ENG: variants seen among roughly 807,000 people sequenced by gnomAD.
The protein encoded by ENG is CD105 antigen.
A neutral mutation model predicts 71.0 loss-of-function variants in ENG; 17 were observed. That is an observed-to-expected ratio of 0.24 (90% CI 0.16 to 0.36). The LOEUF is 0.36. ENG is among the 10% of genes least tolerant of loss of function. The probability of loss-of-function intolerance (pLI) is 1.00; values close to 1 mark genes in which losing one functional copy is unlikely to be tolerated. For synonymous variants in ENG, 360 were observed against 366.9 expected (o/e 0.98, Z 0.21); for missense variants, 749 against 868.3 (o/e 0.86, Z 1.73).
intron 2 of ENG, among the ~76,000 whole-genome samples, chr9:127,830,545 G>T: frequency 6.6e-6 from 1 of 152,004 alleles, no homozygotes; most frequent in South Asian, 2.1e-4. Context: ...TACTTGGGAG[G>T]CTGAGGCAGG....
chr9:127,836,549 C>T lies in ENG; in HGVS notation c.219+6545G>A, dbSNP rs1830907933. Among the ~76,000 whole-genome samples, 1 of 152,220 alleles carries T rather than the reference C, an allele frequency of 6.6e-6. No individual in the cohort carries two copies. ...TTGGAGCCAGCCGTCCCTCTGTCCA[C>T]CCCAGAAAACTCAGATGGTCCTACA... On this transcript the variant is annotated intron_variant, in intron 2 of 14. Transcript: ENST00000373203. The surrounding 1 kb of genome is among the most constrained non-coding windows in gnomAD (Gnocchi z 4.0).
In ENG at chr9:127,819,624, G is replaced by A. The variant is rs1434169817; in HGVS notation, c.1309C>T (p.Arg437Trp). 4.3e-6 allele frequency: 7 copies of A among 1,612,988 alleles called. No individual in the cohort carries two copies. Among genetic ancestry groups the A allele is most frequent in the Non-Finnish European group, 5.9e-6 (7 of 1,179,772 alleles). Residue 437 changes from arginine to tryptophan, a missense_variant and splice_region_variant, in exon 10 of 15, where the codon CGG becomes TGG. Transcript: ENST00000373203. ...TAGCACGTGACTGTCCATCTCACCC[G>A]CTGTGGTGATGAGCTCGACAGGATA... Reference protein sequence around the residue: ...VNILSSSSPQRKKVHCLNMDS... With the variant: ...VNILSSSSPQWKKVHCLNMDS...
intron 2 of ENG, among the ~76,000 whole-genome samples, chr9:127,834,161 C>G (rs896640990): frequency 6.6e-6 from 1 of 152,240 alleles, no homozygotes; most frequent in Non-Finnish European, 1.5e-5. Context: ...CCACCTCCGC[C>G]TCCTGGGTTC....
At chr9:127,832,427 G>C (rs1193679878) in intron 2 of ENG, among the ~76,000 whole-genome samples, 1 of 152,186 alleles carries the variant, frequency 6.6e-6, no homozygotes, top group Non-Finnish European at 1.5e-5. Flanking sequence ...GAGAGGTGAA[G>C]TCATTTGCCT....
At chr9:127,839,560 G>A (rs1369389388) in intron 2 of ENG, among the ~76,000 whole-genome samples, 2 of 152,050 alleles carry the variant, frequency 1.3e-5, no homozygotes, top group African/African-American at 2.4e-5. Flanking sequence ...TTTTTTTGTT[G>A]TTGTTTTGTT....
rs778458218 is a variant in ENG at position 127,828,556 on chromosome 9, T to C, written c.360+1131A>G. Among the ~76,000 whole-genome samples the C allele has an allele frequency of 3.9e-5, 6 of 152,156 alleles. No individual in the cohort carries two copies. In the East Asian group the frequency reaches 1.2e-3, roughly 29 times the overall value. ...TTCATGTTCCTGCCTCACCCTGGGCTGCACGGACTCAGATCGGGAAGGGGG... is the reference window on the plus strand; with the variant it reads ...TTCATGTTCCTGCCTCACCCTGGGCCGCACGGACTCAGATCGGGAAGGGGG... On this transcript the variant is annotated intron_variant, in intron 3 of 14. Transcript: ENST00000373203.
rs904391271 is a variant in ENG at position 127,835,084 on chromosome 9, C to T, written c.220-5257G>A. Among the ~76,000 whole-genome samples the T allele has an allele frequency of 8.5e-5, 13 of 152,188 alleles. No homozygotes were observed. In the South Asian group the frequency reaches 1.5e-3, roughly 17 times the overall value. Reference sequence around the variant, plus strand: ...TGGCGTGATTGCTCACTGCAACTTCCGCCCCTCAGGCTCAAGTGATCCTCC... The same window carrying T: ...TGGCGTGATTGCTCACTGCAACTTCTGCCCCTCAGGCTCAAGTGATCCTCC... On this transcript the variant is annotated intron_variant, in intron 2 of 14. Transcript: ENST00000373203.
chr9:127,853,705 C>T (rs1352193491), intron 1 of ENG, among the ~76,000 whole-genome samples: 1 of 152,188 alleles, frequency 6.6e-6, no homozygotes, highest in African/African-American at 2.4e-5. Context: ...GAACTTAAAG[C>T]TAAAAATAAA....
rs903384599 is a variant in ENG, at chr9:127,836,156, C to G, written c.220-6329G>C. 6.6e-6 allele frequency among the ~76,000 whole-genome samples: 1 copy of G among 152,230 alleles called. No individual in the cohort carries two copies. Among genetic ancestry groups the G allele is most frequent in the Non-Finnish European group, 1.5e-5 (1 of 68,032 alleles). Reference sequence around the variant, plus strand: ...ACCGACTTCCCCCTTCTCTCCCGGCCGGGGGCCCCAGAGGCAAAAAACGAT... The same window carrying G: ...ACCGACTTCCCCCTTCTCTCCCGGCGGGGGGCCCCAGAGGCAAAAAACGAT... On this transcript the variant is annotated intron_variant, in intron 2 of 14. Transcript: ENST00000373203. The surrounding 1 kb of genome is among the most constrained non-coding windows in gnomAD (Gnocchi z 4.0).
chr9:127,828,275 C>T (rs1830673663), intron 3 of ENG, among the ~76,000 whole-genome samples: 1 of 152,186 alleles, frequency 6.6e-6, no homozygotes, highest in Non-Finnish European at 1.5e-5. Context: ...AGGGCTGGGA[C>T]ACTGGCTTTA....
intron 2 of ENG, among the ~76,000 whole-genome samples, chr9:127,839,485 C>A (rs1830976764): frequency 6.6e-6 from 1 of 152,188 alleles, no homozygotes; most frequent in Admixed American, 6.5e-5. Flanking sequence ...GAAGGCCCAG[C>A]TCCATGAGGC....
intron 2 of ENG, among the ~76,000 whole-genome samples, chr9:127,842,463 C>T (rs1478437846): frequency 2.0e-5 from 3 of 151,388 alleles, no homozygotes; most frequent in South Asian, 2.1e-4. Flanking sequence ...CTCACTCTGT[C>T]ACCAGGCCAG....
chr9:127,851,189 A>C (rs1300471801), intron 1 of ENG, among the ~76,000 whole-genome samples: 1 of 151,690 alleles, frequency 6.6e-6, no homozygotes, highest in African/African-American at 2.4e-5. Flanking sequence ...GGTTAATTTT[A>C]ATTGCTTTAA....
intron 1 of ENG, among the ~76,000 whole-genome samples, chr9:127,844,494 G>A (rs1277655952): frequency 1.3e-5 from 1 of 78,196 alleles, no homozygotes; most frequent in African/African-American, 3.1e-5. Context: ...CAAAATCATA[G>A]CTCACTGCAG....
rs1330649778 is a variant in ENG at position 127,817,872 on chromosome 9, G to A, written c.1686+248C>T. 3 of 600,150 alleles carry A rather than the reference G, an allele frequency of 5.0e-6. No individual in the cohort carries two copies. In the East Asian group the frequency reaches 8.5e-5, roughly 17 times the overall value. 37.2% of individuals were successfully genotyped at this position (600,150 alleles called of 1,614,324 possible). A position where few individuals can be genotyped will look rare whatever the true frequency, so the allele number is the denominator to read the frequency against. The stretch of plus-strand genomic sequence containing the variant: ...TGGACGGACGGGTAAGTGAAAGGAT[G>A]GATGGATGGATAGATGGACAGTGGC... On this transcript the variant is annotated intron_variant, in intron 12 of 14. Transcript: ENST00000373203.
chr9:127,844,795 C>T (rs1258574514), intron 1 of ENG, among the ~76,000 whole-genome samples: 3 of 152,182 alleles, frequency 2.0e-5, no homozygotes, highest in Non-Finnish European at 2.9e-5. Context: ...CCCAAGTCTC[C>T]CTCCAGGTAA....
chr9:127,825,893 TCAG>T (rs1370759624), intron 4 of ENG, 33 bp from the exon 5 acceptor site: 2 of 1,558,050 alleles, frequency 1.3e-6, no homozygotes, highest in Admixed American at 3.8e-5. Context: ...GTCCCTTCCC[TCAG>T]CAGCCCTGCA....
chr9:127,816,162 C>T (rs1830309189), intron 13 of ENG, 109 bp from the exon 14 acceptor site: 1 of 1,362,476 alleles, frequency 7.3e-7, no homozygotes, highest in Non-Finnish European at 1.0e-6. Context: ...AGCCATGGAC[C>T]CTCGACTTCT....
chr9:127,819,555 A>G (rs1353645533), intron 10 of ENG, 67 bp downstream of exon 10: 12 of 1,604,824 alleles, frequency 7.5e-6, no homozygotes, highest in Non-Finnish European at 9.4e-6. Context: ...CTCCCAGGCC[A>G]GGAAGAGGCC....
Sources: allele counts gnomAD v4.1 joint callset (sites outside exome capture counted in the v4.1 genomes callset), GRCh38; gene constraint gnomAD v4.1.1; non-coding constraint Gnocchi (gnomAD v3.1); transcripts MANE v1.5; gene names NCBI Gene and HGNC (gene_info 2026-07-23, HGNC 2026-07-21).